Variants in TGM4 observed in about 807,000 individuals in gnomAD.
The protein encoded by TGM4 is protein-glutamine gamma-glutamyltransferase 4.
In TGM4, 61 loss-of-function variants were observed where a neutral mutation model predicts 76.3. The observed-to-expected ratio is 0.80, with a 90% CI of 0.65 to 0.99. TGM4 has a LOEUF of 0.99. Ranked by LOEUF, TGM4 falls within the 50% of genes least tolerant of loss-of-function variation. The pLI is 0.00. For synonymous variants in TGM4, 337 were observed against 329.8 expected, an observed-to-expected ratio of 1.02 and a Z score of -0.24; for missense variants, 794 against 843.2, an observed-to-expected ratio of 0.94 and a Z score of 0.72.
intron 1 of TGM4, among the ~76,000 whole-genome samples, chr3:44,884,037 C>G (rs577139591): frequency 6.6e-6 from 1 of 152,210 alleles, no homozygotes; most frequent in African/African-American, 2.4e-5. Flanking sequence ...AGCAGCACAG[C>G]GTCATCAAGG....
intron 8 of TGM4, among the ~76,000 whole-genome samples, chr3:44,902,617 C>CA (rs1252302186): frequency 2.0e-5 from 3 of 151,004 alleles, no homozygotes; most frequent in Non-Finnish European, 2.9e-5. Context: ...AAAACAAAAA[C>CA]AAAAAACAAA....
rs1355121576 is a variant in TGM4 at position 44,901,517 on chromosome 3, G to A, written c.658-7G>A. 3 of 1,600,614 alleles carry A rather than the reference G, an allele frequency of 1.9e-6. No individual in the cohort carries two copies. The highest frequency in any genetic ancestry group is 2.6e-6 in the Non-Finnish European group (3 of 1,170,546). Reference sequence around the variant, plus strand: ...GGACACTGACCCCACCCCTACGTGTGTGGCAGATGAGCTTTGAGAAAGGCC... The same window carrying A: ...GGACACTGACCCCACCCCTACGTGTATGGCAGATGAGCTTTGAGAAAGGCC... On this transcript the variant is annotated splice_polypyrimidine_tract_variant and splice_region_variant and intron_variant, in intron 6 of 13. Coordinates refer to ENST00000296125, the MANE Select transcript of TGM4 (RefSeq NM_003241.4).
chr3:44,881,737 T>G (rs1034159610), intron 1 of TGM4, among the ~76,000 whole-genome samples: 1 of 152,242 alleles, frequency 6.6e-6, no homozygotes. Flanking sequence ...AAAGCAACTT[T>G]GCTTTTTAAA....
At chr3:44,879,700 A>T (rs1699506816) in intron 1 of TGM4, among the ~76,000 whole-genome samples, 1 of 150,026 alleles carries the variant, frequency 6.7e-6, no homozygotes, top group Non-Finnish European at 1.5e-5. Flanking sequence ...CTGGTCTCGA[A>T]CTCCTGACCT....
At chr3:44,885,198 G>A (rs1699585263) in intron 1 of TGM4, 127 bp from the exon 2 acceptor site, 2 of 928,062 alleles carry the variant, frequency 2.2e-6, no homozygotes, top group Admixed American at 5.5e-5. Flanking sequence ...TGGAGGTGGA[G>A]CAGGGATGCC....
chr3:44,896,668 G>A (rs1699781937), intron 5 of TGM4, 41 bp from the exon 6 acceptor site: 1 of 1,598,382 alleles, frequency 6.3e-7, no homozygotes, highest in South Asian at 1.1e-5. Flanking sequence ...TCTGACACAG[G>A]GCAAAGTCTT....
In TGM4 at chr3:44,901,918, C is replaced by T. The variant is rs1228374642; in HGVS notation, c.958C>T (p.His320Tyr). Reference protein sequence around the residue: ...ENGEKITSMTHDSVWNFHVWT... With the variant: ...ENGEKITSMTYDSVWNFHVWT... ...TGGCGAGAAAATCACCAGTATGACC[C>T]ACGACTCTGTCTGGTAGGGTTCCTC... The change falls in exon 8 of 14, where the codon CAC becomes TAC. Residue 320 changes from histidine to tyrosine, a missense_variant. Coordinates refer to ENST00000296125, the MANE Select transcript of TGM4 (RefSeq NM_003241.4). 6.2e-7 allele frequency: 1 copy of T among 1,614,016 alleles called. No individual in the cohort carries two copies. Among genetic ancestry groups the T allele is most frequent in the African/African-American group, 1.3e-5 (1 of 74,942 alleles).
At chr3:44,879,263 CTCTATATA>C (rs1181944247) in intron 1 of TGM4, among the ~76,000 whole-genome samples, 1,229 of 96,230 alleles carry the variant, frequency 0.013, 13 homozygotes, top group South Asian at 0.031. Context: ...CTCTCTCTCT[CTCTATATA>C]TATATATATA....
Position 44,907,083 on chromosome 3 carries a change from CAGG to C in TGM4, c.1216_1218del (p.Glu406del), listed in dbSNP as rs779341978. 1 of 1,613,900 alleles carries C rather than the reference CAGG, an allele frequency of 6.2e-7. No individual in the cohort carries two copies. Among genetic ancestry groups the C allele is most frequent in the African/African-American group, 1.3e-5 (1 of 74,824 alleles). On this transcript the variant is annotated inframe_deletion, in exon 10 of 14. Coordinates refer to ENST00000296125, the MANE Select transcript of TGM4 (RefSeq NM_003241.4). ...CTGGTTGGTGAAGATGGTGAATGGG[CAGG>C]AGGAGTTACACGTAATTTCAATGGA...
At chr3:44,901,169 A>G (rs1327577022) in intron 6 of TGM4, among the ~76,000 whole-genome samples, 21 of 152,132 alleles carry the variant, frequency 1.4e-4, no homozygotes, top group Admixed American at 1.4e-3. Context: ...GAGCCCAGGA[A>G]GTTGAGGCTG....
chr3:44,892,279 T>A (rs1699711384), intron 4 of TGM4, among the ~76,000 whole-genome samples: 2 of 150,060 alleles, frequency 1.3e-5, no homozygotes, highest in African/African-American at 4.9e-5. Flanking sequence ...AATAAATAAA[T>A]AAAAATAAAT....
rs1397555680 is a variant in TGM4, at chr3:44,911,376, G to A, written c.1883G>A (p.Gly628Asp). The change falls in exon 13 of 14, where the codon GGC becomes GAC. Residue 628 changes from glycine to aspartate, a missense_variant. Physicochemically the swap from Gly to Asp is moderately conservative, Grantham distance 94. Transcript: ENST00000296125. ...TDVKFSLESL[G>D]ISSLQTSDHG... Reference sequence around the variant, plus strand: ...GTCAAGTTCTCTTTGGAAAGCCTGGGCATCTCCTCACTACAGACCTCTGAC... The same window carrying A: ...GTCAAGTTCTCTTTGGAAAGCCTGGACATCTCCTCACTACAGACCTCTGAC... The A allele has an allele frequency of 1.2e-6, 2 of 1,614,224 alleles. No individual in the cohort carries two copies. The highest frequency in any genetic ancestry group is 3.3e-5 in the Admixed American group (2 of 60,034).
At chr3:44,908,841 T>A (rs1036815573) in intron 10 of TGM4, among the ~76,000 whole-genome samples, 3 of 152,154 alleles carry the variant, frequency 2.0e-5, no homozygotes, top group African/African-American at 7.2e-5. Context: ...GTTTCCATGT[T>A]CCTACCCTGC....
intron 10 of TGM4, among the ~76,000 whole-genome samples, chr3:44,909,327 G>A (rs1384593124): frequency 1.3e-5 from 2 of 152,170 alleles, no homozygotes; most frequent in Non-Finnish European, 2.9e-5. Context: ...AAGCCCCCGT[G>A]GACATTTTGT....
intron 1 of TGM4, among the ~76,000 whole-genome samples, chr3:44,883,267 C>T (rs1699556846): frequency 6.6e-6 from 1 of 152,094 alleles, no homozygotes; most frequent in African/African-American, 2.4e-5. Flanking sequence ...TCAGGGGTTG[C>T]CAATGTGGTG....
intron 3 of TGM4, chr3:44,888,848 T>G (rs1699648722): frequency 6.6e-6 from 1 of 151,980 alleles, no homozygotes; most frequent in African/African-American, 2.4e-5. Flanking sequence ...ACCTCCTCCC[T>G]CTTGCCACAA....
chr3:44,911,538 A>T (rs902489463), intron 13 of TGM4, 132 bp downstream of exon 13: 1 of 1,020,738 alleles, frequency 9.8e-7, no homozygotes, highest in African/African-American at 1.6e-5. Context: ...TGCTAGTGCC[A>T]AATTACTTTG....
intron 1 of TGM4, chr3:44,876,614 G>A (rs1198847197): frequency 6.6e-6 from 1 of 152,154 alleles, no homozygotes; most frequent in Non-Finnish European, 1.5e-5. Context: ...ATCCCAGAAA[G>A]GTCGAAGACG....
chr3:44,891,461 T>A (rs976749169), intron 4 of TGM4, among the ~76,000 whole-genome samples: 52 of 152,136 alleles, frequency 3.4e-4, no homozygotes, highest in Middle Eastern at 3.4e-3. Context: ...GGCTCACCTG[T>A]TGTTAACATT....
Sources: gnomAD v4.1 joint callset for allele counts (sites outside exome capture counted in the v4.1 genomes callset) on GRCh38, gnomAD v4.1.1 for gene constraint, MANE v1.5 for transcripts, NCBI Gene and HGNC (gene_info 2026-07-23, HGNC 2026-07-21) for gene names.